The following SHC4 variants were observed in gnomAD, a reference collection of about 807,000 sequenced individuals.
SHC4 encodes the protein SHC-transforming protein 4.
A neutral mutation model predicts 69.4 loss-of-function variants in SHC4; 41 were observed. The observed-to-expected ratio is 0.59, with a 90% CI of 0.46 to 0.77. The LOEUF (loss-of-function observed/expected upper bound fraction) is 0.77. SHC4 is among the 30% of genes least tolerant of loss of function. The pLI is 0.00. For missense variants in SHC4, 777 were observed against 783.8 expected (o/e 0.99, Z 0.10); for synonymous variants, 318 against 299.3 (o/e 1.06, Z -0.64).
Position 48,880,512 on chromosome 15 carries a change from TTTA to T in SHC4, c.840+3733_840+3735del, listed in dbSNP as rs551411966. ...TTTATCTTTACCAGGAAAGTTTATC[TTTA>T]CTAGGAAAGATAAACTCTTGGAAAA... is the stretch of plus-strand genomic sequence containing the variant. On this transcript the variant is annotated intron_variant, in intron 4 of 11. Coordinates refer to ENST00000332408, the MANE Select transcript of SHC4 (RefSeq NM_203349.4). 3.0e-4 allele frequency among the ~76,000 whole-genome samples: 46 copies of T among 152,136 alleles called. No homozygotes were observed. The South Asian group carries it at 7.9e-3, about 26-fold the overall frequency.
chr15:48,874,678 T>C lies in SHC4; in HGVS notation c.841-2536A>G, dbSNP rs188834912. On this transcript the variant is annotated intron_variant, in intron 4 of 11. Transcript: ENST00000332408. ...AGTGGCTGCAAATACAGATTAACAA[T>C]AGCAGAGAGGTTTGACTGCACAGAG... Among the ~76,000 whole-genome samples the C allele has an allele frequency of 2.0e-3, 300 of 152,260 alleles. 1 individual carries two copies. The highest frequency in any genetic ancestry group is 7.0e-3 in the African/African-American group (292 of 41,540).
rs368695389 is a variant in SHC4 at position 48,878,732 on chromosome 15, A to G, written c.840+5516T>C. 1 of 1,612,498 alleles carries G rather than the reference A, an allele frequency of 6.2e-7. No individual in the cohort carries two copies. Among genetic ancestry groups the G allele is most frequent in the African/African-American group, 1.3e-5 (1 of 74,890 alleles). On this transcript the variant is annotated intron_variant, in intron 4 of 11. Coordinates refer to ENST00000332408, the MANE Select transcript of SHC4 (RefSeq NM_203349.4). ...ACTCGGCTGTGATGAGATTATTGATAGAGAGTAGTTAGATGCTGTTAAAAG... is the reference window on the plus strand; with the variant it reads ...ACTCGGCTGTGATGAGATTATTGATGGAGAGTAGTTAGATGCTGTTAAAAG...
At chr15:48,829,832 T>C (rs563441474) in intron 11 of SHC4, among the ~76,000 whole-genome samples, 4 of 152,296 alleles carry the variant, frequency 2.6e-5, no homozygotes, top group African/African-American at 9.6e-5. Flanking sequence ...GGCAGAAGAA[T>C]CACTTGAACC....
At chr15:48,907,844 A>G (rs575111358) in intron 2 of SHC4, among the ~76,000 whole-genome samples, 38 of 118,256 alleles carry the variant, frequency 3.2e-4, no homozygotes, top group African/African-American at 9.5e-4. Context: ...GTGTGTGTAT[A>G]TATATATATA....
At chr15:48,831,890 T>A (rs1458920830) in intron 11 of SHC4, among the ~76,000 whole-genome samples, 1 of 152,240 alleles carries the variant, frequency 6.6e-6, no homozygotes, top group Non-Finnish European at 1.5e-5. Context: ...TGAAGGACTT[T>A]AGCATTTCTT....
At chr15:48,865,942 G>T (rs1389879493) in intron 6 of SHC4, among the ~76,000 whole-genome samples, 51 of 152,200 alleles carry the variant, frequency 3.4e-4, no homozygotes. Flanking sequence ...TTGCAGGCAT[G>T]TGGATCCTTC....
At chr15:48,931,999 G>A (rs1236317285) in intron 1 of SHC4, among the ~76,000 whole-genome samples, 1 of 151,984 alleles carries the variant, frequency 6.6e-6, no homozygotes, top group Non-Finnish European at 1.5e-5. Flanking sequence ...AGATGCGTGG[G>A]AGTTGGAGAT....
At chr15:48,882,749 G>A (rs1262895960) in intron 4 of SHC4, among the ~76,000 whole-genome samples, 1 of 152,180 alleles carries the variant, frequency 6.6e-6, no homozygotes, top group Non-Finnish European at 1.5e-5. Flanking sequence ...TACTTAGTGA[G>A]ATCTCATAAC....
intron 1 of SHC4, among the ~76,000 whole-genome samples, chr15:48,932,053 A>G (rs1176096441): frequency 6.6e-6 from 1 of 152,072 alleles, no homozygotes; most frequent in Non-Finnish European, 1.5e-5. Flanking sequence ...GTTTTATTCT[A>G]CTGTTGACTT....
intron 2 of SHC4, among the ~76,000 whole-genome samples, chr15:48,920,967 G>C (rs1215057550): frequency 6.6e-6 from 1 of 151,944 alleles, no homozygotes; most frequent in African/African-American, 2.4e-5. Flanking sequence ...AGAAGGTGAA[G>C]AAGAAGGAGA....
At chr15:48,877,961 G>T (rs1899846410) in intron 4 of SHC4, 1 of 511,778 alleles carries the variant, frequency 2.0e-6, no homozygotes, top group Admixed American at 3.7e-5. Context: ...AGTTCGAATC[G>T]ATGGAAACGT....
At chr15:48,961,826 T>C (rs1901550395) in intron 1 of SHC4, among the ~76,000 whole-genome samples, 3 of 152,234 alleles carry the variant, frequency 2.0e-5, no homozygotes, top group African/African-American at 7.2e-5. Flanking sequence ...CCATAGCTCA[T>C]GGACAAGGCC....
chr15:48,914,498 CA>C (rs1252823221), intron 2 of SHC4, among the ~76,000 whole-genome samples: 1 of 152,176 alleles, frequency 6.6e-6, no homozygotes, highest in African/African-American at 2.4e-5. Flanking sequence ...CTTATTCTGC[CA>C]CAGCTCCTCT....
chr15:48,954,907 C>G (rs1027318532), intron 1 of SHC4, among the ~76,000 whole-genome samples: 3 of 152,142 alleles, frequency 2.0e-5, no homozygotes, highest in Non-Finnish European at 4.4e-5. Context: ...GAAGGCTTAT[C>G]AAGTTTTAGT....
intron 9 of SHC4, among the ~76,000 whole-genome samples, chr15:48,846,815 G>C (rs148176006): frequency 1.3e-5 from 2 of 152,198 alleles, no homozygotes; most frequent in East Asian, 1.9e-4. Context: ...ACCACGTTTT[G>C]AAGACTCTGG....
At chr15:48,850,999 C>A (rs909012369) in intron 9 of SHC4, among the ~76,000 whole-genome samples, 189 bp downstream of exon 9, 4 of 152,172 alleles carry the variant, frequency 2.6e-5, no homozygotes, top group Non-Finnish European at 4.4e-5. Context: ...CAAGGGAGAA[C>A]CATGAGCCTT....
intron 7 of SHC4, among the ~76,000 whole-genome samples, chr15:48,857,088 A>C (rs1899335246): frequency 6.6e-6 from 1 of 152,218 alleles, no homozygotes; most frequent in East Asian, 1.9e-4. Context: ...AGCCAGAGGC[A>C]TCACTGCATT....
At chr15:48,862,434 T>C (rs534527279) in intron 6 of SHC4, among the ~76,000 whole-genome samples, 1 of 152,326 alleles carries the variant, frequency 6.6e-6, no homozygotes, top group East Asian at 1.9e-4. Flanking sequence ...TAACCTTTTC[T>C]ATAAAAAAGG....
chr15:48,882,787 T>C (rs1261579203), intron 4 of SHC4, among the ~76,000 whole-genome samples: 3 of 152,236 alleles, frequency 2.0e-5, no homozygotes, highest in African/African-American at 4.8e-5. Flanking sequence ...CGTGGTACCA[T>C]CCATGTGAAT....
Sources: allele counts gnomAD v4.1 joint callset (sites outside exome capture counted in the v4.1 genomes callset), GRCh38; gene constraint gnomAD v4.1.1; transcripts MANE v1.5; gene names NCBI Gene and HGNC (gene_info 2026-07-23, HGNC 2026-07-21).